PRKCQ: variants seen among roughly 807,000 people sequenced by gnomAD.
The protein encoded by PRKCQ is protein kinase C theta type.
Under a neutral mutation model 91.2 loss-of-function variants are expected in PRKCQ, and 41 were observed. The ratio of observed to expected loss-of-function variants is 0.45; its 90% CI spans 0.35 to 0.58. PRKCQ has a LOEUF of 0.58. Among genes scored for constraint, PRKCQ ranks in the 20% least tolerant of loss-of-function variants. The pLI is 0.00. For missense variants in PRKCQ, 673 were observed against 896.5 expected (o/e 0.75, Z 3.18); for synonymous variants, 307 against 316.9 (o/e 0.97, Z 0.33).
intron 7 of PRKCQ, among the ~76,000 whole-genome samples, chr10:6,494,346 C>T (rs620736): frequency 0.28 from 42,314 of 152,056 alleles, 7,114 homozygotes; most frequent in South Asian, 0.44. Flanking sequence ...TCCCTGGCCA[C>T]GGGAGCACTT....
At chr10:6,483,293 C>T in intron 11 of PRKCQ, 147 bp downstream of exon 11, 1 of 1,022,854 alleles carries the variant, frequency 9.8e-7, no homozygotes, top group Non-Finnish European at 1.5e-6. Context: ...CCTCGGGGTC[C>T]CTATTTATTC....
At chr10:6,482,345 C>A (rs535075193) in intron 11 of PRKCQ, among the ~76,000 whole-genome samples, 1 of 152,168 alleles carries the variant, frequency 6.6e-6, no homozygotes, top group African/African-American at 2.4e-5. Context: ...AACTGTAATC[C>A]CAGCTACTAG....
chr10:6,524,083 G>T (rs1230671155), intron 1 of PRKCQ, among the ~76,000 whole-genome samples: 1 of 152,062 alleles, frequency 6.6e-6, no homozygotes, highest in African/African-American at 2.4e-5. Context: ...TTCTGTTTCT[G>T]AGCTCTGCCA....
At chr10:6,441,863 T>C in intron 16 of PRKCQ, 30 bp downstream of exon 16, 1 of 1,572,486 alleles carries the variant, frequency 6.4e-7, no homozygotes, top group Non-Finnish European at 8.7e-7. Flanking sequence ...ATGCTCGTCT[T>C]ATGAAGACGC....
the PRKCQ span, among the ~76,000 whole-genome samples, chr10:6,416,485 T>C: frequency 7.9e-4 from 120 of 152,316 alleles, 1 homozygote; most frequent in African/African-American, 2.9e-3. Flanking sequence ...ATTCCTGAGT[T>C]ACTTCACTTA....
the PRKCQ span, among the ~76,000 whole-genome samples, chr10:6,406,905 A>G: frequency 6.6e-6 from 1 of 152,228 alleles, no homozygotes; most frequent in South Asian, 2.1e-4. Flanking sequence ...GTACAGAAAC[A>G]TGCATTTTCA....
intron 1 of PRKCQ, among the ~76,000 whole-genome samples, chr10:6,545,230 G>A (rs536665833): frequency 7.2e-5 from 11 of 152,340 alleles, no homozygotes; most frequent in Admixed American, 2.6e-4. Flanking sequence ...AGAAAGGGAA[G>A]AGAAGGAGGC....
At chr10:6,402,624 C>T in the PRKCQ span, among the ~76,000 whole-genome samples, 2 of 152,188 alleles carry the variant, frequency 1.3e-5, no homozygotes, top group Non-Finnish European at 2.9e-5. Flanking sequence ...TAAAGTGAAG[C>T]ACTGTGTGGC....
At chr10:6,467,601 T>C (rs995274497) in intron 12 of PRKCQ, among the ~76,000 whole-genome samples, 2 of 152,246 alleles carry the variant, frequency 1.3e-5, no homozygotes, top group East Asian at 3.9e-4. Context: ...GGATGGGACA[T>C]GCCAAACGCG....
At chr10:6,450,794 G>A (rs569571766) in intron 15 of PRKCQ, among the ~76,000 whole-genome samples, 113 of 150,782 alleles carry the variant, frequency 7.5e-4, no homozygotes, top group Non-Finnish European at 1.3e-3. Flanking sequence ...GCTCAACTGT[G>A]TGGAAACTGA....
At chr10:6,496,381 A>G (rs147496060) in intron 7 of PRKCQ, among the ~76,000 whole-genome samples, 1,780 of 152,224 alleles carry the variant, frequency 0.012, 16 homozygotes, top group Middle Eastern at 0.044. Flanking sequence ...TTCCGATTAT[A>G]CCTCAACGTT....
At chr10:6,418,214 AGAAAG>A in the PRKCQ span, among the ~76,000 whole-genome samples, 1 of 152,248 alleles carries the variant, frequency 6.6e-6, no homozygotes, top group Non-Finnish European at 1.5e-5. Context: ...TGTATTAAAA[AGAAAG>A]GAAAAGATGC....
rs374983781 is a variant in PRKCQ, at chr10:6,485,169, G to A, written c.1001C>T (p.Pro334Leu). Residue 334 changes from proline (P) to leucine (L), a missense_variant, in exon 10 of 18, where the codon CCG becomes CTG. Transcript: ENST00000263125. The stretch of plus-strand genomic sequence containing the variant: ...ACAGCTACCTCTTTTTCCCGGTGTC[G>A]GTAAACATGGCGGCCTTGCTTCATT... Reference protein sequence around the residue: ...IKNEARPPCLPTPGKREPQGI... With the variant: ...IKNEARPPCLLTPGKREPQGI... 1.5e-5 allele frequency: 24 copies of A among 1,613,496 alleles called. No individual in the cohort carries two copies. The East Asian group carries it at 2.0e-4, about 13-fold the overall frequency.
At chr10:6,428,511 C>T in intron 17 of PRKCQ, 149 bp from the exon 18 acceptor site, 1 of 762,738 alleles carries the variant, frequency 1.3e-6, no homozygotes, top group South Asian at 1.7e-5. Context: ...TACAGATGAC[C>T]ATGCCCAGCT....
the PRKCQ span, among the ~76,000 whole-genome samples, chr10:6,406,350 A>C: frequency 1.3e-5 from 2 of 151,906 alleles, no homozygotes; most frequent in Non-Finnish European, 1.5e-5. Flanking sequence ...AGTAGGAAAA[A>C]TTTGCACAAT....
At chr10:6,419,765 T>C in the PRKCQ span, among the ~76,000 whole-genome samples, 1 of 150,550 alleles carries the variant, frequency 6.6e-6, no homozygotes, top group African/African-American at 2.4e-5. Flanking sequence ...CTTGGCTCAT[T>C]GCAATCTCCA....
the PRKCQ span, among the ~76,000 whole-genome samples, chr10:6,417,042 T>A: frequency 6.6e-6 from 1 of 152,346 alleles, no homozygotes; most frequent in South Asian, 2.1e-4. Context: ...CTGTAATGTA[T>A]TCTTAAAGGA....
chr10:6,535,907 C>A (rs548337965), intron 1 of PRKCQ, among the ~76,000 whole-genome samples: 2 of 152,112 alleles, frequency 1.3e-5, no homozygotes, highest in African/African-American at 4.8e-5. Flanking sequence ...TGAGGAAATG[C>A]CCCCAGCCTC....
chr10:6,438,496 T>C (rs1439042851), intron 16 of PRKCQ, among the ~76,000 whole-genome samples: 2 of 152,268 alleles, frequency 1.3e-5, no homozygotes, highest in Non-Finnish European at 2.9e-5. Flanking sequence ...TAAATGATGA[T>C]TATTTTTTAA....
Sources: gnomAD v4.1 joint callset for allele counts (sites outside exome capture counted in the v4.1 genomes callset) on GRCh38, gnomAD v4.1.1 for gene constraint, MANE v1.5 for transcripts, NCBI Gene and HGNC (gene_info 2026-07-23, HGNC 2026-07-21) for gene names.